EPB41L4B: variants seen among roughly 807,000 people sequenced by gnomAD.
EPB41L4B encodes the protein band 4.1-like protein 4B.
Under a neutral mutation model 112.5 loss-of-function variants are expected in EPB41L4B, and 30 were observed. The ratio of observed to expected loss-of-function variants is 0.27; its 90% CI spans 0.20 to 0.36. The LOEUF (loss-of-function observed/expected upper bound fraction) is 0.36, where lower values mean the gene tolerates loss of function less well. EPB41L4B is among the 10% of genes least tolerant of loss of function. EPB41L4B has a pLI of 1.00. For missense variants in EPB41L4B, 1,024 were observed against 1,133.3 expected (o/e 0.90, Z 1.38); for synonymous variants, 408 against 439.7 (o/e 0.93, Z 0.90).
intron 6 of EPB41L4B, 21 bp downstream of exon 6, chr9:109,263,029 T>C (rs368594743): frequency 4.0e-5 from 61 of 1,541,146 alleles, no homozygotes; most frequent in Non-Finnish European, 5.3e-5. Flanking sequence ...AAATGCTAAT[T>C]ACTACTAAAG....
In EPB41L4B at chr9:109,320,127, G is replaced by A. The variant is rs1837804911; in HGVS notation, c.306+14C>T. 2 of 1,443,934 alleles carry A rather than the reference G, an allele frequency of 1.4e-6. No homozygotes were observed. Among genetic ancestry groups the A allele is most frequent in the Non-Finnish European group, 1.8e-6 (2 of 1,094,398 alleles). 89.4% of individuals were successfully genotyped at this position (1,443,934 alleles called of 1,614,324 possible). ...CGCGAGGTGCCAGTGCCCCAGACTGGCCCCGTCACTCACCGGCAGGTCCAC... is the reference window on the plus strand; with the variant it reads ...CGCGAGGTGCCAGTGCCCCAGACTGACCCCGTCACTCACCGGCAGGTCCAC... On this transcript the variant is annotated intron_variant, in intron 1 of 25. Transcript: ENST00000374566.
chr9:109,272,678 G>A (rs1835667968), intron 2 of EPB41L4B, among the ~76,000 whole-genome samples: 1 of 146,892 alleles, frequency 6.8e-6, no homozygotes, highest in African/African-American at 2.5e-5. Flanking sequence ...CCTTGAACCA[G>A]GAAGGCAGAG....
chr9:109,318,104 C>A lies in EPB41L4B; in HGVS notation c.306+2037G>T, dbSNP rs138123080. ...TTCCTCCCTGAGAGCTCACGTGACA[C>A]AAGCCAGCATTTGCTTTTTATCTGC... is the stretch of plus-strand genomic sequence containing the variant. On this transcript the variant is annotated intron_variant, in intron 1 of 25. Coordinates refer to ENST00000374566, the MANE Select transcript of EPB41L4B (RefSeq NM_019114.5). Among the ~76,000 whole-genome samples the A allele has an allele frequency of 3.3e-5, 5 of 152,220 alleles. No individual in the cohort carries two copies. The East Asian group carries it at 9.7e-4, about 29-fold the overall frequency.
At chr9:109,199,720 G>A (rs1015098438) in intron 20 of EPB41L4B, among the ~76,000 whole-genome samples, 4 of 152,162 alleles carry the variant, frequency 2.6e-5, no homozygotes, top group Admixed American at 1.3e-4. Flanking sequence ...ACAAAAGACT[G>A]TGCCTTTGCC....
At chr9:109,267,597 T>C in intron 3 of EPB41L4B, 46 bp from the exon 4 acceptor site, 1 of 1,285,798 alleles carries the variant, frequency 7.8e-7, no homozygotes, top group Non-Finnish European at 1.1e-6. Context: ...TCCCCCAGTT[T>C]TGAAGATCAC....
intron 1 of EPB41L4B, among the ~76,000 whole-genome samples, chr9:109,282,093 A>G (rs1836085717): frequency 6.6e-6 from 1 of 152,260 alleles, no homozygotes; most frequent in Non-Finnish European, 1.5e-5. Flanking sequence ...GTGCTTCCAC[A>G]TGGATGGACC....
At chr9:109,291,766 T>TC (rs1471500290) in intron 1 of EPB41L4B, among the ~76,000 whole-genome samples, 1 of 152,086 alleles carries the variant, frequency 6.6e-6, no homozygotes, top group Non-Finnish European at 1.5e-5. Context: ...ACCAGGGCCC[T>TC]CCTCACTCCA....
intron 13 of EPB41L4B, among the ~76,000 whole-genome samples, chr9:109,248,877 G>A (rs539543006): frequency 1.1e-4 from 17 of 151,798 alleles, no homozygotes; most frequent in African/African-American, 3.9e-4. Context: ...GGCTAATACG[G>A]TGGAACCTCG....
chr9:109,260,780 C>G (rs934111991), intron 6 of EPB41L4B, among the ~76,000 whole-genome samples: 2 of 152,154 alleles, frequency 1.3e-5, no homozygotes, highest in Non-Finnish European at 2.9e-5. Context: ...TCTCCAAGAA[C>G]GGTCACAGAG....
intron 1 of EPB41L4B, among the ~76,000 whole-genome samples, chr9:109,304,157 C>T (rs1374027751): frequency 6.6e-6 from 1 of 152,098 alleles, no homozygotes; most frequent in Non-Finnish European, 1.5e-5. Flanking sequence ...GAGAATTAAC[C>T]AAGTAAAGAT....
chr9:109,196,718 GAAAAA>G (rs34024676), intron 20 of EPB41L4B, among the ~76,000 whole-genome samples: 1 of 84,636 alleles, frequency 1.2e-5, no homozygotes, highest in Non-Finnish European at 2.4e-5. Flanking sequence ...CCTTGTCTCC[GAAAAA>G]AAAAAAAAAA....
intron 18 of EPB41L4B, among the ~76,000 whole-genome samples, chr9:109,207,628 GC>G (rs1833030174): frequency 6.6e-6 from 1 of 152,000 alleles, no homozygotes; most frequent in Admixed American, 6.6e-5. Context: ...ATATTCATGA[GC>G]CCCCACCCCA....
intron 2 of EPB41L4B, among the ~76,000 whole-genome samples, chr9:109,272,656 G>A (rs1322092430): frequency 6.6e-6 from 1 of 152,048 alleles, no homozygotes; most frequent in Non-Finnish European, 1.5e-5. Flanking sequence ...GGGAGGCTGA[G>A]TCAGAAGAGT....
Position 109,306,504 on chromosome 9 carries a change from C to CG in EPB41L4B, c.306+13636dup, listed in dbSNP as rs974497530. Reference sequence around the variant, plus strand: ...TGGTAGGCGCCTGTAATCCCAGCTACGGGGGAGCTGAGGCAGGAGGATAGC... The same window carrying CG: ...TGGTAGGCGCCTGTAATCCCAGCTACGGGGGGAGCTGAGGCAGGAGGATAGC... On this transcript the variant is annotated intron_variant, in intron 1 of 25. Coordinates refer to ENST00000374566, the MANE Select transcript of EPB41L4B (RefSeq NM_019114.5). Among the ~76,000 whole-genome samples, 14 of 152,114 alleles carry CG rather than the reference C, an allele frequency of 9.2e-5. 1 individual carries two copies. The highest frequency in any genetic ancestry group is 1.9e-4 in the Non-Finnish European group (13 of 68,018).
chr9:109,289,173 C>T (rs1053410906), intron 1 of EPB41L4B, among the ~76,000 whole-genome samples: 4 of 152,186 alleles, frequency 2.6e-5, no homozygotes, highest in Non-Finnish European at 5.9e-5. Flanking sequence ...CACCCATCAA[C>T]CCTGCCTAAC....
chr9:109,227,810 G>C (rs1833833936), intron 15 of EPB41L4B, among the ~76,000 whole-genome samples: 1 of 152,134 alleles, frequency 6.6e-6, no homozygotes, highest in Admixed American at 6.6e-5. Flanking sequence ...TCGATCTCTT[G>C]ACCTCGTGAT....
intron 1 of EPB41L4B, among the ~76,000 whole-genome samples, chr9:109,303,742 G>A (rs4527951): frequency 0.64 from 97,824 of 151,668 alleles, 31,938 homozygotes; most frequent in Middle Eastern, 0.82. Flanking sequence ...CTGGGCTCAA[G>A]CACTCCTCCC....
chr9:109,266,399 G>A (rs1195231002), intron 4 of EPB41L4B, among the ~76,000 whole-genome samples: 1 of 151,964 alleles, frequency 6.6e-6, no homozygotes, highest in Non-Finnish European at 1.5e-5. Flanking sequence ...CAGGGGAAAT[G>A]GTGATAACCA....
chr9:109,188,137 A>G (rs944553658), intron 22 of EPB41L4B, among the ~76,000 whole-genome samples: 1 of 152,214 alleles, frequency 6.6e-6, no homozygotes, highest in Non-Finnish European at 1.5e-5. Context: ...GATTCTCTGC[A>G]TAGATACATG....
Sources: gnomAD v4.1 joint callset for allele counts (sites outside exome capture counted in the v4.1 genomes callset) on GRCh38, gnomAD v4.1.1 for gene constraint, MANE v1.5 for transcripts, NCBI Gene and HGNC (gene_info 2026-07-23, HGNC 2026-07-21) for gene names.